Variants in KATNAL2 observed in about 807,000 individuals in gnomAD.
KATNAL2 encodes the protein katanin catalytic subunit A1 like 2.
KATNAL2 carries 52 observed loss-of-function variants against 76.3 expected under a neutral mutation model. That is an observed-to-expected ratio of 0.68 (90% CI 0.55 to 0.86). KATNAL2 has a LOEUF of 0.86. Among genes scored for constraint, KATNAL2 ranks in the 40% least tolerant of loss-of-function variants. The pLI, the probability that KATNAL2 is intolerant of heterozygous loss-of-function variation, is 0.00. For synonymous variants in KATNAL2, 243 were observed against 244.2 expected, an observed-to-expected ratio of 1.00 and a Z score of 0.05; for missense variants, 660 against 668.9, an observed-to-expected ratio of 0.99 and a Z score of 0.15.
rs1348863824 is a variant in KATNAL2, at chr18:46,948,663, G to A, written c.51+1740G>A. On this transcript the variant is annotated intron_variant, in intron 3 of 17. Transcript: ENST00000683218. ...GGCAGGTCTTGAACTCCTGACCTCA[G>A]GTGATCCGCCTGCCTTGGCCTCCCA... Among the ~76,000 whole-genome samples, 3 of 151,994 alleles carry A rather than the reference G, an allele frequency of 2.0e-5. No homozygotes were observed. The East Asian group carries it at 5.8e-4, about 29-fold the overall frequency.
intron 3 of KATNAL2, chr18:47,033,327 A>G (rs201266713): frequency 2.5e-6 from 4 of 1,613,696 alleles, no homozygotes; most frequent in Non-Finnish European, 3.4e-6. Context: ...TCTTGGCCAC[A>G]GATTTGAAAC....
chr18:46,931,283 G>A (rs1038220540), intron 1 of KATNAL2, among the ~76,000 whole-genome samples: 32 of 151,352 alleles, frequency 2.1e-4, no homozygotes, highest in Admixed American at 1.9e-3. Flanking sequence ...CTGGGCAACA[G>A]AGTGAGATTC....
chr18:47,082,152 T>C (rs1166027399), intron 15 of KATNAL2, among the ~76,000 whole-genome samples: 1 of 152,194 alleles, frequency 6.6e-6, no homozygotes, highest in Non-Finnish European at 1.5e-5. Flanking sequence ...TGGAAAATGG[T>C]ACTGACCTGG....
At chr18:46,946,732 G>A (rs771804131) in intron 2 of KATNAL2, 122 bp from the exon 3 acceptor site, 105 of 1,118,998 alleles carry the variant, frequency 9.4e-5, no homozygotes, top group Non-Finnish European at 1.3e-4. Context: ...TCCTTCTGTG[G>A]CCAGCGATTG....
At chr18:47,056,991 T>C (rs1011542679) in intron 6 of KATNAL2, among the ~76,000 whole-genome samples, 4 of 151,192 alleles carry the variant, frequency 2.6e-5, no homozygotes, top group African/African-American at 7.3e-5. Flanking sequence ...AGTTTAAAGA[T>C]AGAAAAAAAA....
intron 2 of KATNAL2, 112 bp downstream of exon 2, chr18:46,946,658 C>T: frequency 8.8e-7 from 1 of 1,133,376 alleles, no homozygotes; most frequent in Non-Finnish European, 1.2e-6. Context: ...CTTCATTGGC[C>T]AGTGTCATGC....
chr18:47,068,266 T>C (rs1342320986), intron 11 of KATNAL2, among the ~76,000 whole-genome samples: 2 of 152,216 alleles, frequency 1.3e-5, no homozygotes, highest in African/African-American at 2.4e-5. Flanking sequence ...ATTTATTTTA[T>C]TGAATAACCT....
chr18:47,086,908 C>G (rs1374414894), intron 15 of KATNAL2, among the ~76,000 whole-genome samples: 2 of 152,192 alleles, frequency 1.3e-5, no homozygotes, highest in African/African-American at 4.8e-5. Context: ...AACTTTCAAC[C>G]TGGTTATTCT....
At chr18:47,094,133 T>C (rs1315229258) in intron 15 of KATNAL2, among the ~76,000 whole-genome samples, 39 of 152,096 alleles carry the variant, frequency 2.6e-4, no homozygotes, top group Non-Finnish European at 1.5e-5. Flanking sequence ...TGGTCTCTCT[T>C]GTTTGCCTTC....
intron 1 of KATNAL2, among the ~76,000 whole-genome samples, chr18:46,929,652 G>A (rs1374411424): frequency 6.6e-6 from 1 of 152,042 alleles, no homozygotes; most frequent in Non-Finnish European, 1.5e-5. Flanking sequence ...TTTGATTATT[G>A]TAAATAAATG....
intron 1 of KATNAL2, among the ~76,000 whole-genome samples, chr18:46,944,718 G>A (rs774820324): frequency 1.3e-5 from 2 of 152,134 alleles, no homozygotes; most frequent in Non-Finnish European, 2.9e-5. Context: ...CTGAGCAACA[G>A]AGCGAGACTT....
intron 3 of KATNAL2, among the ~76,000 whole-genome samples, chr18:46,961,439 G>C (rs183914784): frequency 1.2e-3 from 187 of 152,330 alleles, no homozygotes; most frequent in African/African-American, 3.8e-3. Context: ...TAATACACTT[G>C]TGTTGAAGTT....
intron 4 of KATNAL2, 54 bp from the exon 5 acceptor site, chr18:47,052,826 C>A: frequency 7.3e-7 from 1 of 1,370,180 alleles, no homozygotes; most frequent in Non-Finnish European, 9.9e-7. Context: ...GCCTGTTAGC[C>A]ATTATTCTTT....
chr18:47,035,030 C>G lies in KATNAL2; in HGVS notation c.52-11427C>G, dbSNP rs751445063. 2.1e-5 allele frequency: 34 copies of G among 1,611,628 alleles called. 1 individual carries two copies. The highest frequency in any genetic ancestry group is 1.4e-4 in the South Asian group (13 of 90,960). On this transcript the variant is annotated intron_variant, in intron 3 of 17. Transcript: ENST00000683218. ...GGGCCAGGCCGGGTGTTTCGGTCCA[C>G]GAGCACCAGCTTCTTCCACCGGGCC...
chr18:47,036,706 T>C (rs2060787944), intron 3 of KATNAL2, among the ~76,000 whole-genome samples: 1 of 152,270 alleles, frequency 6.6e-6, no homozygotes, highest in African/African-American at 2.4e-5. Flanking sequence ...CAGGATCATT[T>C]GAAATATCTA....
At chr18:46,954,761 A>G (rs981211556) in intron 3 of KATNAL2, among the ~76,000 whole-genome samples, 1 of 152,068 alleles carries the variant, frequency 6.6e-6, no homozygotes, top group African/African-American at 2.4e-5. Context: ...CTCCCACCTC[A>G]GCCTCCAGAG....
chr18:46,955,140 C>CTCTTTCTTTCTT (rs71162828), intron 3 of KATNAL2, among the ~76,000 whole-genome samples: 6,615 of 85,012 alleles, frequency 0.078, 398 homozygotes, highest in East Asian at 0.11. Context: ...CTTTCTCTCT[C>CTCTTTCTTTCTT]TCTTTCTTTC....
intron 2 of KATNAL2, 98 bp from the exon 3 acceptor site, chr18:46,946,756 G>T: frequency 1.6e-6 from 2 of 1,214,032 alleles, no homozygotes; most frequent in South Asian, 2.6e-5. Context: ...GGCGTGTCTG[G>T]GCTCTAGCCA....
intron 3 of KATNAL2, among the ~76,000 whole-genome samples, chr18:47,037,509 C>T (rs1445195418): frequency 2.0e-5 from 3 of 152,050 alleles, no homozygotes; most frequent in African/African-American, 7.3e-5. Flanking sequence ...TAAATGGATC[C>T]TTTTTGCGGG....
Sources: allele counts gnomAD v4.1 joint callset (sites outside exome capture counted in the v4.1 genomes callset), GRCh38; gene constraint gnomAD v4.1.1; transcripts MANE v1.5; gene names NCBI Gene and HGNC (gene_info 2026-07-23, HGNC 2026-07-21).